RPTOR: variants seen among roughly 807,000 people sequenced by gnomAD.
RPTOR encodes the protein regulatory-associated protein of mTOR.
RPTOR carries 21 observed loss-of-function variants against 169.9 expected under a neutral mutation model. That is an observed-to-expected ratio of 0.12 (90% CI 0.09 to 0.18). The LOEUF (loss-of-function observed/expected upper bound fraction) is 0.18. RPTOR is among the 10% of genes least tolerant of loss of function. RPTOR has a pLI of 1.00. For missense variants in RPTOR, 1,133 were observed against 1,855.9 expected, an observed-to-expected ratio of 0.61 and a Z score of 7.16; for synonymous variants, 732 against 753.2, an observed-to-expected ratio of 0.97 and a Z score of 0.46.
chr17:80,899,937 G>A (rs1444557294), intron 20 of RPTOR, among the ~76,000 whole-genome samples: 1 of 152,166 alleles, frequency 6.6e-6, no homozygotes, highest in Non-Finnish European at 1.5e-5. Flanking sequence ...TGAGTCAGAG[G>A]GCTTGGGATT....
chr17:80,561,175 A>G (rs963474705), intron 1 of RPTOR, among the ~76,000 whole-genome samples: 7 of 143,412 alleles, frequency 4.9e-5, no homozygotes, highest in South Asian at 2.3e-4. Flanking sequence ...GGTTCAAGCA[A>G]TTCTCCTGCC....
Position 80,885,049 on chromosome 17 carries a change from C to T in RPTOR, c.1884C>T (p.Gly628=), listed in dbSNP as rs2143844430. 3.1e-6 allele frequency: 5 copies of T among 1,609,158 alleles called. No individual in the cohort carries two copies. Among genetic ancestry groups the T allele is most frequent in the Non-Finnish European group, 4.2e-6 (5 of 1,178,488 alleles). ...AAVFALGTFV[G]NSAERTDHST... is the part of the protein sequence containing the mutation. The stretch of plus-strand genomic sequence containing the variant: ...TCTTCGCCCTTGGCACGTTCGTGGG[C>T]AACTCTGCAGAGAGGACGGACCACT... Residue 628 remains glycine (G), a synonymous_variant, in exon 17 of 34, where the codon GGC becomes GGT. Transcript: ENST00000306801.
chr17:80,841,228 ACTCT>A (rs1446050625), intron 10 of RPTOR, among the ~76,000 whole-genome samples: 1 of 95,124 alleles, frequency 1.1e-5, no homozygotes, highest in Non-Finnish European at 2.0e-5. Flanking sequence ...ACGGCAGCTC[ACTCT>A]CACCGCACGG....
rs568287017 is a variant in RPTOR at position 80,945,151 on chromosome 17, C to T, written c.3026-516C>T. 6.6e-5 allele frequency among the ~76,000 whole-genome samples: 10 copies of T among 152,044 alleles called. No individual in the cohort carries two copies. The South Asian group carries it at 1.2e-3, about 19-fold the overall frequency. ...TCAACAAAAAACAAAAAAAAGTAGC[C>T]AGGTGTGGCGGTGCGCGCCTATGTC... On this transcript the variant is annotated intron_variant, in intron 25 of 33. Coordinates refer to ENST00000306801, the MANE Select transcript of RPTOR (RefSeq NM_020761.3).
At chr17:80,601,246 G>A (rs2065183843) in intron 1 of RPTOR, among the ~76,000 whole-genome samples, 1 of 17,152 alleles carries the variant, frequency 5.8e-5, no homozygotes, top group Admixed American at 3.0e-4. Context: ...TTTGCATCTT[G>A]CCTGCTGAGG....
rs2068274650 is a variant in RPTOR at position 80,888,362 on chromosome 17, CTG to C, written c.1983+3216_1983+3217del. 2.6e-5 allele frequency among the ~76,000 whole-genome samples: 4 copies of C among 152,346 alleles called. No individual in the cohort carries two copies. The South Asian group carries it at 8.3e-4, about 32-fold the overall frequency. Reference sequence around the variant, plus strand: ...AATTCCTGGGCTCAAGTGATCCACTCTGTAATCCCAGGCCTTGGTCTCCCAAG... The same window carrying C: ...AATTCCTGGGCTCAAGTGATCCACTCTAATCCCAGGCCTTGGTCTCCCAAG... On this transcript the variant is annotated intron_variant, in intron 17 of 33. Transcript: ENST00000306801.
chr17:80,608,612 C>T (rs1014003810), intron 1 of RPTOR, among the ~76,000 whole-genome samples: 5 of 152,250 alleles, frequency 3.3e-5, no homozygotes, highest in East Asian at 1.9e-4. Context: ...TGTGTGGGGA[C>T]GTGGCCCACC....
chr17:80,727,598 C>T (rs1045399715), intron 4 of RPTOR, among the ~76,000 whole-genome samples: 2 of 152,248 alleles, frequency 1.3e-5, no homozygotes, highest in Admixed American at 6.5e-5. Context: ...AACGTGGACG[C>T]TGCACCTCTG....
intron 24 of RPTOR, among the ~76,000 whole-genome samples, chr17:80,930,445 T>C (rs1598408148): frequency 4.2e-5 from 3 of 71,356 alleles, no homozygotes; most frequent in African/African-American, 5.3e-5. Context: ...CCCCAGCTCA[T>C]CCTCAGCTCA....
chr17:80,665,143 C>T (rs897399786), intron 3 of RPTOR, among the ~76,000 whole-genome samples: 2 of 152,056 alleles, frequency 1.3e-5, no homozygotes, highest in African/African-American at 4.8e-5. Flanking sequence ...GCTCCTCCCA[C>T]CTGCTGTCTC....
At position 80,544,905 on chromosome 17, in the gene RPTOR, G is replaced by A. The variant is rs2084254264; in HGVS notation, c.-725G>A. On this transcript the variant is annotated 5_prime_UTR_variant, in exon 1 of 34. Transcript: ENST00000306801. Reference sequence around the variant, plus strand: ...AGTTTCACTGTAGCTCCAAACCAGAGGGCAAAGCTCCCATGACCCAATAAG... The same window carrying A: ...AGTTTCACTGTAGCTCCAAACCAGAAGGCAAAGCTCCCATGACCCAATAAG... The A allele has an allele frequency of 4.4e-6, 1 of 227,634 alleles. No individual in the cohort carries two copies. The highest frequency in any genetic ancestry group is 8.8e-6 in the Non-Finnish European group (1 of 114,212). The allele number at this position is 227,634 out of a possible 1,614,324, so 14.1% of individuals were successfully genotyped here.
chr17:80,590,182 A>T (rs2065092872), intron 1 of RPTOR, among the ~76,000 whole-genome samples: 1 of 152,274 alleles, frequency 6.6e-6, no homozygotes, highest in African/African-American at 2.4e-5. Flanking sequence ...TAAAGTAGGC[A>T]TGCAGGTATG....
intron 1 of RPTOR, among the ~76,000 whole-genome samples, chr17:80,605,238 C>T (rs772506787): frequency 7.2e-5 from 11 of 152,312 alleles, no homozygotes; most frequent in Admixed American, 2.0e-4. Context: ...AAGGCTGTTT[C>T]GTTGAACTCA....
chr17:80,815,171 GGGTGCACAA>G (rs2067310827), intron 7 of RPTOR, among the ~76,000 whole-genome samples: 1 of 152,256 alleles, frequency 6.6e-6, no homozygotes, highest in Non-Finnish European at 1.5e-5. Flanking sequence ...AGGCAGTTAG[GGGTGCACAA>G]GGTTTGTTGG....
chr17:80,640,543 C>T (rs568071632), intron 2 of RPTOR, among the ~76,000 whole-genome samples: 1 of 152,194 alleles, frequency 6.6e-6, no homozygotes, highest in Non-Finnish European at 1.5e-5. Flanking sequence ...TAGCTGGTCA[C>T]GGCCTGGTGA....
intron 27 of RPTOR, among the ~76,000 whole-genome samples, chr17:80,949,060 C>T (rs1035757729): frequency 1.3e-5 from 2 of 152,124 alleles, no homozygotes; most frequent in South Asian, 4.1e-4. Context: ...GAGGGTAAAA[C>T]GCAGCCCCAC....
intron 1 of RPTOR, among the ~76,000 whole-genome samples, chr17:80,553,413 A>G (rs1486651387): frequency 6.6e-6 from 1 of 152,222 alleles, no homozygotes; most frequent in African/African-American, 2.4e-5. Flanking sequence ...CAAGGAATAC[A>G]GCTGACAGTA....
intron 6 of RPTOR, among the ~76,000 whole-genome samples, chr17:80,769,425 C>T (rs1316221040): frequency 3.3e-5 from 5 of 152,190 alleles, no homozygotes; most frequent in African/African-American, 9.7e-5. Context: ...GAGAACAGCC[C>T]GAGTGCTGCT....
At chr17:80,593,925 A>G (rs577492940) in intron 1 of RPTOR, 2 of 152,104 alleles carry the variant, frequency 1.3e-5, no homozygotes, top group South Asian at 4.2e-4. Flanking sequence ...GCGTCTTTGG[A>G]CTCCTCCGTG....
Sources: allele counts gnomAD v4.1 joint callset (sites outside exome capture counted in the v4.1 genomes callset), GRCh38; gene constraint gnomAD v4.1.1; transcripts MANE v1.5; gene names NCBI Gene and HGNC (gene_info 2026-07-23, HGNC 2026-07-21).